MAP4K1: variants seen among roughly 807,000 people sequenced by gnomAD.
The protein encoded by MAP4K1 is mitogen-activated protein kinase kinase kinase kinase 1, also known as MAPK/ERK kinase kinase kinase 1.
Under a neutral mutation model 122.8 loss-of-function variants are expected in MAP4K1, and 35 were observed. The observed-to-expected ratio is 0.29, with a 90% CI of 0.22 to 0.38. The LOEUF is 0.38. MAP4K1 is among the 10% of genes least tolerant of loss of function. The pLI, the probability that MAP4K1 is intolerant of heterozygous loss-of-function variation, is 1.00. For synonymous variants in MAP4K1, 412 were observed against 421.3 expected (o/e 0.98, Z 0.27); for missense variants, 791 against 1,072.6 (o/e 0.74, Z 3.67).
rs185429249 is a variant in MAP4K1 at position 38,605,690 on chromosome 19, A to T, written c.1241T>A (p.Met414Lys). 3 of 1,607,454 alleles carry T rather than the reference A, an allele frequency of 1.9e-6. No homozygotes were observed. Residue 414 changes from methionine (M) to lysine (K), a missense_variant, in exon 18 of 31, where the codon ATG (methionine) becomes AAG (lysine). Physicochemically the swap from Met to Lys is moderately conservative, Grantham distance 95 (BLOSUM62 -1). Around this residue, in one of 4 missense-constraint regions of MAP4K1, gnomAD observed 303 missense variants for 344.8 expected, o/e 0.88. Transcript: ENST00000396857. ...CGGGCTCAGCTGCCCATCATCCCCC[A>T]TGCTCCCAGGACCCTCGTCTGATGG... is the stretch of plus-strand genomic sequence containing the variant. ...RSPSDEGPGS[M>K]GDDGQLSPGV...
intron 29 of MAP4K1, 133 bp from the exon 30 acceptor site, chr19:38,593,470 A>C (rs1298176032): frequency 4.7e-6 from 3 of 637,954 alleles, no homozygotes; most frequent in Non-Finnish European, 7.9e-6. Context: ...TGGGAGGCCG[A>C]AGTGGGTGGA....
intron 19 of MAP4K1, 89 bp from the exon 20 acceptor site, chr19:38,601,614 G>A (rs1975068238): frequency 1.5e-5 from 14 of 938,712 alleles, no homozygotes; most frequent in Admixed American, 4.3e-5. Flanking sequence ...TGGAGCGAGA[G>A]TGCCAAGGTT....
chr19:38,611,338 A>G (rs1458940923), intron 9 of MAP4K1, 33 bp from the exon 10 acceptor site: 1 of 1,495,432 alleles, frequency 6.7e-7, no homozygotes, highest in Non-Finnish European at 9.3e-7. Flanking sequence ...TGGGGTTCAG[A>G]CCCTCAAGGG....
intron 19 of MAP4K1, among the ~76,000 whole-genome samples, chr19:38,604,286 A>G (rs1377933405): frequency 6.6e-6 from 1 of 152,160 alleles, no homozygotes; most frequent in Non-Finnish European, 1.5e-5. Flanking sequence ...TCCTGAATAA[A>G]GAGATGTTCT....
At chr19:38,609,467 A>C in intron 13 of MAP4K1, 129 bp downstream of exon 13, 1 of 801,544 alleles carries the variant, frequency 1.2e-6, no homozygotes, top group Non-Finnish European at 2.1e-6. Flanking sequence ...GGTGCTGATG[A>C]GATTGTCTGG....
At chr19:38,603,368 A>T (rs1368088308) in intron 19 of MAP4K1, among the ~76,000 whole-genome samples, 6 of 151,050 alleles carry the variant, frequency 4.0e-5, no homozygotes, top group South Asian at 4.2e-4. Flanking sequence ...ATATACACAC[A>T]TATACATATA....
chr19:38,589,250 G>A, intron 30 of MAP4K1: 1 of 194,882 alleles, frequency 5.1e-6, no homozygotes, highest in Non-Finnish European at 1.1e-5. Context: ...TTGCAGTGAG[G>A]CGAGATCGTG....
intron 4 of MAP4K1, 37 bp downstream of exon 4, chr19:38,616,158 G>A (rs1599722956): frequency 7.6e-7 from 1 of 1,313,062 alleles, no homozygotes; most frequent in Admixed American, 2.1e-5. Flanking sequence ...GGTGGGGATA[G>A]GGAGGGGTGC....
intron 19 of MAP4K1, among the ~76,000 whole-genome samples, chr19:38,603,336 A>G (rs1975213769): frequency 6.6e-6 from 1 of 150,750 alleles, no homozygotes; most frequent in Non-Finnish European, 1.5e-5. Context: ...ATATACGCAT[A>G]TACATATATA....
At chr19:38,596,740 C>T (rs1375851319) in intron 25 of MAP4K1, among the ~76,000 whole-genome samples, 1 of 152,170 alleles carries the variant, frequency 6.6e-6, no homozygotes, top group African/African-American at 2.4e-5. Context: ...GCAAAACCTG[C>T]TTAGACACTC....
chr19:38,603,102 G>GTA (rs1975180911), intron 19 of MAP4K1, among the ~76,000 whole-genome samples: 1 of 71,916 alleles, frequency 1.4e-5, no homozygotes, highest in African/African-American at 5.5e-5. Flanking sequence ...ATATACACAT[G>GTA]TACATATATA....
At chr19:38,615,818 C>T (rs182025936) in intron 4 of MAP4K1, among the ~76,000 whole-genome samples, 3 of 151,826 alleles carry the variant, frequency 2.0e-5, no homozygotes, top group African/African-American at 4.8e-5. Context: ...CCACCACGCC[C>T]GGCTAATTTT....
At chr19:38,603,267 C>T (rs568281908) in intron 19 of MAP4K1, among the ~76,000 whole-genome samples, 3 of 140,306 alleles carry the variant, frequency 2.1e-5, no homozygotes, top group Admixed American at 1.4e-4. Flanking sequence ...TACGCATATA[C>T]ATATATACAC....
At chr19:38,589,358 T>A (rs1367081175) in intron 30 of MAP4K1, 1 of 225,144 alleles carries the variant, frequency 4.4e-6, no homozygotes, top group African/African-American at 2.4e-5. Context: ...GAAAATCTGA[T>A]GAGAAACAAC....
chr19:38,592,890 C>T (rs2145931830), intron 30 of MAP4K1, among the ~76,000 whole-genome samples: 1 of 151,962 alleles, frequency 6.6e-6, no homozygotes, highest in Admixed American at 6.6e-5. Flanking sequence ...GCACTCCAGC[C>T]TGGGCAACAA....
At position 38,609,921 on chromosome 19, in the gene MAP4K1, A is replaced by T; in HGVS notation, c.915T>A (p.Asp305Glu). ...CCAAGGCTCTCACCTCGGGCTCCTCATCCTCAATGTCCCCAATGGAGGGTC... is the reference window on the plus strand; with the variant it reads ...CCAAGGCTCTCACCTCGGGCTCCTCTTCCTCAATGTCCCCAATGGAGGGTC... ...GKGPSIGDIE[D>E]EEPELPPAIP... is the part of the protein sequence containing the mutation. Residue 305 changes from aspartate to glutamate, a missense_variant, in exon 12 of 31, where the codon GAT (aspartate) becomes GAA (glutamate). By Grantham distance (45) the Asp-to-Glu change is conservative. Transcript: ENST00000396857. 4 of 1,614,056 alleles carry T rather than the reference A, an allele frequency of 2.5e-6. No homozygotes were observed. Among genetic ancestry groups the T allele is most frequent in the Non-Finnish European group, 3.4e-6 (4 of 1,179,896 alleles).
intron 22 of MAP4K1, among the ~76,000 whole-genome samples, chr19:38,598,865 T>G (rs1048646593): frequency 2.9e-5 from 4 of 137,476 alleles, no homozygotes; most frequent in African/African-American, 1.1e-4. Flanking sequence ...CACAAAAAAT[T>G]AGCCGCGTGT....
chr19:38,617,420 T>A lies in MAP4K1; in HGVS notation c.182A>T (p.Lys61Met). 6.2e-7 allele frequency: 1 copy of A among 1,613,654 alleles called. No homozygotes were observed. Among genetic ancestry groups the A allele is most frequent in the Non-Finnish European group, 8.5e-7 (1 of 1,179,712 alleles). The change falls in exon 3 of 31, where the codon AAG (lysine) becomes ATG (methionine). Residue 61 changes from lysine (K) to methionine (M), a missense_variant. Around this residue, in one of 4 missense-constraint regions of MAP4K1, gnomAD observed 163 missense variants for 286.1 expected, o/e 0.57. Coordinates refer to ENST00000396857, the MANE Select transcript of MAP4K1 (RefSeq NM_001042600.3). This position sits in a 1 kb window ranked among gnomAD's most constrained non-coding sequence, Gnocchi z 4.1. Reference protein sequence around the residue: ...EPDDDVSTLQKEILILKTCRH... With the variant: ...EPDDDVSTLQMEILILKTCRH... ...GCAAGTTTTCAATATGAGGATTTCCTTCTGAAGGGTGGAGACATCATCATC... is the reference window on the plus strand; with the variant it reads ...GCAAGTTTTCAATATGAGGATTTCCATCTGAAGGGTGGAGACATCATCATC...
chr19:38,605,348 C>T, intron 19 of MAP4K1, 61 bp downstream of exon 19: 2 of 1,216,298 alleles, frequency 1.6e-6, no homozygotes, highest in Non-Finnish European at 2.4e-6. Flanking sequence ...CCCCTCCCCA[C>T]CCCACCAGGC....
Sources: gnomAD v4.1 joint callset for allele counts (sites outside exome capture counted in the v4.1 genomes callset) on GRCh38, gnomAD v4.1.1 for gene constraint, gnomAD v4.1.1 regional missense constraint, Gnocchi (gnomAD v3.1) non-coding constraint, MANE v1.5 for transcripts, NCBI Gene and HGNC (gene_info 2026-07-23, HGNC 2026-07-21) for gene names.